Variants in MDGA2 observed in about 807,000 individuals in gnomAD.
The protein encoded by MDGA2 is MAM domain containing glycosylphosphatidylinositol anchor 2.
Under a neutral mutation model 117.8 loss-of-function variants are expected in MDGA2, and 40 were observed. The ratio of observed to expected loss-of-function variants is 0.34; its 90% CI spans 0.26 to 0.44. The LOEUF (loss-of-function observed/expected upper bound fraction) is 0.44, where lower values mean the gene tolerates loss of function less well. MDGA2 is among the 20% of genes least tolerant of loss of function. The probability of loss-of-function intolerance (pLI) is 1.00; values close to 1 mark genes in which losing one functional copy is unlikely to be tolerated. For synonymous variants in MDGA2, 452 were observed against 439.0 expected (o/e 1.03, Z -0.37); for missense variants, 1,123 against 1,250.6 (o/e 0.90, Z 1.54).
At chr14:46,859,149 T>G (rs1881405510) in intron 14 of MDGA2, among the ~76,000 whole-genome samples, 1 of 152,140 alleles carries the variant, frequency 6.6e-6, no homozygotes, top group African/African-American at 2.4e-5. Context: ...AGAGAAGGCC[T>G]TTCTCCCAAG....
chr14:46,996,931 C>T lies in MDGA2; in HGVS notation c.1819+38080G>A, dbSNP rs146016036. The stretch of plus-strand genomic sequence containing the variant: ...GCAAGGGAGAGCACCTAGCAGCAAC[C>T]CAGGAATGGGTGAAGTAGGGAACTT... On this transcript the variant is annotated intron_variant, in intron 8 of 16. Coordinates refer to ENST00000399232, the MANE Select transcript of MDGA2 (RefSeq NM_001113498.3). 0.016 allele frequency: 6,289 copies of T among 385,258 alleles called. 709 individuals carry two copies. The Admixed American group carries it at 0.18, about 11-fold the overall frequency. 23.9% of individuals were successfully genotyped at this position (385,258 alleles called of 1,614,324 possible). A position where few individuals can be genotyped will look rare whatever the true frequency, so the allele number is the denominator to read the frequency against.
chr14:47,544,547 T>C (rs1329106715), intron 1 of MDGA2, among the ~76,000 whole-genome samples: 1 of 152,110 alleles, frequency 6.6e-6, no homozygotes, highest in Admixed American at 6.6e-5. Flanking sequence ...TGCTATGCTG[T>C]TTGTTTTTTT....
intron 3 of MDGA2, among the ~76,000 whole-genome samples, chr14:47,191,237 G>C (rs1325837012): frequency 6.6e-6 from 1 of 151,482 alleles, no homozygotes; most frequent in East Asian, 1.9e-4. Flanking sequence ...AAACAATATG[G>C]AGACCCTAGA....
At chr14:47,338,627 T>C (rs1030301046) in intron 1 of MDGA2, among the ~76,000 whole-genome samples, 10 of 151,980 alleles carry the variant, frequency 6.6e-5, no homozygotes, top group African/African-American at 2.2e-4. Context: ...TTTTAGTCAA[T>C]CCGTCAAGTT....
chr14:47,159,905 A>G (rs140923357), intron 3 of MDGA2, among the ~76,000 whole-genome samples: 5 of 152,322 alleles, frequency 3.3e-5, no homozygotes, highest in South Asian at 4.1e-4. Context: ...TCATAGACAT[A>G]TAACTTAATT....
intron 6 of MDGA2, among the ~76,000 whole-genome samples, chr14:47,096,508 C>T (rs1416656361): frequency 6.7e-6 from 1 of 148,558 alleles, no homozygotes; most frequent in Non-Finnish European, 1.5e-5. Flanking sequence ...AATTCCTAAA[C>T]TATTATACAA....
chr14:47,503,561 C>T (rs1052581627), intron 1 of MDGA2, among the ~76,000 whole-genome samples: 4 of 151,930 alleles, frequency 2.6e-5, no homozygotes, highest in Middle Eastern at 3.4e-3. Context: ...CCCGCCACCA[C>T]GCCCAGCTAA....
chr14:47,028,725 T>C (rs750307050), intron 8 of MDGA2, among the ~76,000 whole-genome samples: 2 of 152,168 alleles, frequency 1.3e-5, no homozygotes, highest in African/African-American at 4.8e-5. Context: ...AGAGGCAACA[T>C]TGAATTATCA....
At chr14:47,473,818 T>G (rs959221993) in intron 1 of MDGA2, among the ~76,000 whole-genome samples, 3 of 152,062 alleles carry the variant, frequency 2.0e-5, no homozygotes, top group African/African-American at 4.8e-5. Flanking sequence ...TGAAAGAACA[T>G]AACTCAAAAT....
At chr14:47,426,685 TTA>T (rs1892697255) in intron 1 of MDGA2, among the ~76,000 whole-genome samples, 2 of 136,010 alleles carry the variant, frequency 1.5e-5, no homozygotes, top group East Asian at 4.1e-4. Context: ...TATATATCAT[TTA>T]TATATATCAT....
At chr14:47,316,746 G>C (rs905419734) in intron 1 of MDGA2, among the ~76,000 whole-genome samples, 4 of 151,808 alleles carry the variant, frequency 2.6e-5, no homozygotes, top group Non-Finnish European at 5.9e-5. Context: ...ATCTCAAAAG[G>C]AGCCAAATAT....
At chr14:47,656,101 G>A (rs1897738548) in intron 1 of MDGA2, among the ~76,000 whole-genome samples, 1 of 152,142 alleles carries the variant, frequency 6.6e-6, no homozygotes, top group South Asian at 2.1e-4. Flanking sequence ...CTGAAAATAG[G>A]CAATTAAGAG....
chr14:47,258,821 T>A (rs1213011118), intron 2 of MDGA2, among the ~76,000 whole-genome samples: 1 of 152,018 alleles, frequency 6.6e-6, no homozygotes. Flanking sequence ...TATTTTTTTT[T>A]CATTTTTCTA....
At chr14:46,920,829 T>C (rs1884099002) in intron 9 of MDGA2, among the ~76,000 whole-genome samples, 1 of 152,180 alleles carries the variant, frequency 6.6e-6, no homozygotes, top group South Asian at 2.1e-4. Context: ...GAAATGAAAA[T>C]TTGTGTTTGT....
intron 2 of MDGA2, among the ~76,000 whole-genome samples, chr14:47,291,011 C>T (rs1228609057): frequency 2.0e-5 from 3 of 152,164 alleles, no homozygotes; most frequent in Admixed American, 6.5e-5. Flanking sequence ...CTGCAGAAAG[C>T]TTAGTCTTGC....
chr14:47,072,915 T>C (rs988411539), intron 6 of MDGA2, among the ~76,000 whole-genome samples: 1 of 152,308 alleles, frequency 6.6e-6, no homozygotes, highest in African/African-American at 2.4e-5. Context: ...TAATCCTAAT[T>C]ATAACATTTG....
intron 1 of MDGA2, among the ~76,000 whole-genome samples, chr14:47,551,553 C>G (rs1441681540): frequency 6.6e-6 from 1 of 152,148 alleles, no homozygotes; most frequent in East Asian, 1.9e-4. Context: ...ATAATTTCAA[C>G]CTTTCCCCCA....
chr14:46,876,211 C>T (rs911698991), intron 12 of MDGA2, among the ~76,000 whole-genome samples: 19 of 151,382 alleles, frequency 1.3e-4, no homozygotes, highest in African/African-American at 4.6e-4. Flanking sequence ...TATATCTTTA[C>T]AATAAATAAG....
intron 8 of MDGA2, among the ~76,000 whole-genome samples, chr14:46,976,147 T>C (rs1886450898): frequency 6.6e-6 from 1 of 152,156 alleles, no homozygotes; most frequent in Non-Finnish European, 1.5e-5. Context: ...CAGTGTTGGA[T>C]ACACAACATT....
Sources: gnomAD v4.1 joint callset for allele counts (sites outside exome capture counted in the v4.1 genomes callset) on GRCh38, gnomAD v4.1.1 for gene constraint, MANE v1.5 for transcripts, NCBI Gene and HGNC (gene_info 2026-07-23, HGNC 2026-07-21) for gene names.